The following SUGCT variants were observed in gnomAD, a reference collection of about 807,000 sequenced individuals.
SUGCT encodes succinyl-CoA:glutarate-CoA transferase.
In SUGCT, 41 loss-of-function variants were observed where a neutral mutation model predicts 55.0. That is an observed-to-expected ratio of 0.74 (90% confidence interval 0.58 to 0.97). The LOEUF (loss-of-function observed/expected upper bound fraction) is 0.97, where lower values mean the gene tolerates loss of function less well. Among genes scored for constraint, SUGCT ranks in the 50% least tolerant of loss-of-function variants. SUGCT has a pLI of 0.00. For missense variants in SUGCT, 568 were observed against 547.8 expected (o/e 1.04, Z -0.37); for synonymous variants, 187 against 200.4 (o/e 0.93, Z 0.56).
intron 9 of SUGCT, among the ~76,000 whole-genome samples, chr7:40,373,824 A>T (rs555437423): frequency 7.2e-5 from 11 of 152,294 alleles, no homozygotes; most frequent in Admixed American, 1.3e-4. Flanking sequence ...AGTGATAGAA[A>T]TCTGTAAGAA....
chr7:40,676,503 TG>T (rs373621072), intron 12 of SUGCT, among the ~76,000 whole-genome samples: 4,632 of 137,948 alleles, frequency 0.034, 188 homozygotes, highest in African/African-American at 0.1. Flanking sequence ...TTTTGTTTTT[TG>T]TTTTTTTTTT....
chr7:40,813,970 G>A (rs573239511), intron 13 of SUGCT, among the ~76,000 whole-genome samples: 91 of 152,126 alleles, frequency 6.0e-4, no homozygotes, highest in Non-Finnish European at 1.1e-3. Flanking sequence ...CTTCACTTAT[G>A]AAGCTTAGTT....
At chr7:40,197,133 C>T (rs930888604) in intron 6 of SUGCT, among the ~76,000 whole-genome samples, 1 of 152,124 alleles carries the variant, frequency 6.6e-6, no homozygotes, top group African/African-American at 2.4e-5. Context: ...CTGTGCCCGG[C>T]CCTGATGATT....
chr7:40,239,746 T>C (rs1023480973), intron 7 of SUGCT, among the ~76,000 whole-genome samples: 3 of 152,210 alleles, frequency 2.0e-5, no homozygotes, highest in Non-Finnish European at 4.4e-5. Context: ...GTGATTTTTG[T>C]TCTAGGTGAG....
At chr7:40,523,641 C>G (rs1463466778) in intron 12 of SUGCT, among the ~76,000 whole-genome samples, 2 of 152,046 alleles carry the variant, frequency 1.3e-5, no homozygotes, top group South Asian at 2.1e-4. Flanking sequence ...AGGGGAGGAT[C>G]TACTTCTTTG....
intron 12 of SUGCT, among the ~76,000 whole-genome samples, chr7:40,622,651 C>A (rs1799329825): frequency 6.8e-6 from 1 of 146,664 alleles, no homozygotes; most frequent in Non-Finnish European, 1.5e-5. Flanking sequence ...TGACTTCTTT[C>A]AGACCAGTAT....
intron 12 of SUGCT, among the ~76,000 whole-genome samples, chr7:40,581,574 G>A (rs1797093808): frequency 6.6e-6 from 1 of 152,110 alleles, no homozygotes; most frequent in African/African-American, 2.4e-5. Flanking sequence ...ATTGTGGAGG[G>A]TTACTTTATT....
At chr7:40,848,956 T>C (rs1437710764) in intron 13 of SUGCT, among the ~76,000 whole-genome samples, 1 of 152,188 alleles carries the variant, frequency 6.6e-6, no homozygotes, top group Non-Finnish European at 1.5e-5. Context: ...AAAAATATTG[T>C]TATTGTTATG....
the SUGCT span, among the ~76,000 whole-genome samples, chr7:40,961,819 C>T: frequency 1.7e-3 from 251 of 151,960 alleles, 1 homozygote; most frequent in Non-Finnish European, 1.9e-3. Flanking sequence ...TTAAAGGTGG[C>T]GCATCCGGAG....
the SUGCT span, among the ~76,000 whole-genome samples, chr7:41,010,118 C>A: frequency 1.3e-5 from 2 of 152,194 alleles, no homozygotes; most frequent in Non-Finnish European, 2.9e-5. Flanking sequence ...CCCAGCAGAA[C>A]TTTTTCACCA....
the SUGCT span, among the ~76,000 whole-genome samples, chr7:40,945,513 T>A: frequency 6.6e-6 from 1 of 152,120 alleles, no homozygotes; most frequent in African/African-American, 2.4e-5. Context: ...GAAGCCCCAC[T>A]ATGTCTGCAA....
intron 6 of SUGCT, among the ~76,000 whole-genome samples, chr7:40,201,771 A>G (rs985181313): frequency 6.6e-6 from 1 of 152,180 alleles, no homozygotes; most frequent in African/African-American, 2.4e-5. Flanking sequence ...TTATTCCCCA[A>G]CAGTATAACC....
At chr7:40,249,900 C>T (rs1790247373) in intron 7 of SUGCT, among the ~76,000 whole-genome samples, 1 of 152,134 alleles carries the variant, frequency 6.6e-6, no homozygotes, top group African/African-American at 2.4e-5. Flanking sequence ...GATTCTCCTG[C>T]CTCAACCTCC....
chr7:40,278,187 A>G lies in SUGCT; in HGVS notation c.720+3531A>G, dbSNP rs145716997. Among the ~76,000 whole-genome samples the G allele has an allele frequency of 4.9e-3, 751 of 152,306 alleles. 5 individuals carry two copies. The highest frequency in any genetic ancestry group is 0.017 in the African/African-American group (725 of 41,570). On this transcript the variant is annotated intron_variant, in intron 8 of 13. Coordinates refer to ENST00000335693, the MANE Select transcript of SUGCT (RefSeq NM_001193313.2). The stretch of plus-strand genomic sequence containing the variant: ...AAAGACACATGAAAAAATGCTCATC[A>G]TTGGCCATCAGAGAAATGCAAATCA...
the SUGCT span, among the ~76,000 whole-genome samples, chr7:41,008,676 G>A: frequency 6.8e-6 from 1 of 146,474 alleles, no homozygotes; most frequent in Non-Finnish European, 1.5e-5. Context: ...CTCTCGGTGG[G>A]GAGTGAGATG....
At chr7:40,879,515 ATTG>A in the SUGCT span, among the ~76,000 whole-genome samples, 1 of 152,180 alleles carries the variant, frequency 6.6e-6, no homozygotes, top group Non-Finnish European at 1.5e-5. Flanking sequence ...ATACACAAAG[ATTG>A]TTAACATTGG....
At chr7:40,457,779 T>C (rs964183362) in intron 10 of SUGCT, among the ~76,000 whole-genome samples, 2 of 152,190 alleles carry the variant, frequency 1.3e-5, no homozygotes, top group Non-Finnish European at 2.9e-5. Flanking sequence ...CTGTGTAATT[T>C]TTTGTTGCTG....
At chr7:40,365,482 T>C (rs891467283) in intron 9 of SUGCT, among the ~76,000 whole-genome samples, 4 of 152,146 alleles carry the variant, frequency 2.6e-5, no homozygotes, top group Non-Finnish European at 5.9e-5. Flanking sequence ...TGTCCCTGTT[T>C]GCAGATGACA....
chr7:40,987,905 T>TA, the SUGCT span, among the ~76,000 whole-genome samples: 2 of 152,112 alleles, frequency 1.3e-5, no homozygotes, highest in African/African-American at 4.8e-5. Flanking sequence ...AAATCATTCT[T>TA]AAAACGTAGT....
Sources: gnomAD v4.1 joint callset for allele counts (sites outside exome capture counted in the v4.1 genomes callset) on GRCh38, gnomAD v4.1.1 for gene constraint, MANE v1.5 for transcripts, NCBI Gene and HGNC (gene_info 2026-07-23, HGNC 2026-07-21) for gene names.